Variants in SLC39A11 observed in about 807,000 individuals in gnomAD.
The protein encoded by SLC39A11 is solute carrier family 39 member 11, also known as zinc transporter ZIP11.
A neutral mutation model predicts 36.1 loss-of-function variants in SLC39A11; 33 were observed. That is an observed-to-expected ratio of 0.91 (90% CI 0.69 to 1.22). The LOEUF is 1.22. SLC39A11 is among the 50% of genes most tolerant of loss of function. The pLI is 0.00. For missense variants in SLC39A11, 432 were observed against 430.3 expected, an observed-to-expected ratio of 1.00 and a Z score of -0.03; for synonymous variants, 166 against 170.3, an observed-to-expected ratio of 0.97 and a Z score of 0.20.
chr17:72,658,638 C>T (rs2070260671), intron 7 of SLC39A11, among the ~76,000 whole-genome samples: 1 of 152,168 alleles, frequency 6.6e-6, no homozygotes, highest in East Asian at 1.9e-4. Context: ...AAAGGAGATG[C>T]AGACAAGTAC....
intron 4 of SLC39A11, among the ~76,000 whole-genome samples, chr17:73,010,155 C>T (rs1329650168): frequency 1.3e-5 from 2 of 152,038 alleles, no homozygotes; most frequent in African/African-American, 2.4e-5. Context: ...AATGCAGGTG[C>T]CTGGGCCTCA....
At chr17:72,880,731 G>A (rs2081153337) in intron 5 of SLC39A11, among the ~76,000 whole-genome samples, 1 of 151,404 alleles carries the variant, frequency 6.6e-6, no homozygotes, top group African/African-American at 2.4e-5. Context: ...ACCCAGGCTG[G>A]AGTGCAGTGG....
At chr17:72,739,879 A>T (rs150817295) in intron 6 of SLC39A11, among the ~76,000 whole-genome samples, 2,436 of 151,734 alleles carry the variant, frequency 0.016, no homozygotes, top group Non-Finnish European at 0.025. Context: ...ATAACTTTAA[A>T]CTCCCCCAGA....
At chr17:73,011,823 G>A (rs1013643737) in intron 4 of SLC39A11, among the ~76,000 whole-genome samples, 9 of 150,892 alleles carry the variant, frequency 6.0e-5, no homozygotes, top group Non-Finnish European at 1.3e-4. Flanking sequence ...CACCATGCCC[G>A]GCTAGTTTTT....
At chr17:72,995,610 G>A (rs995225421) in intron 4 of SLC39A11, among the ~76,000 whole-genome samples, 1 of 152,182 alleles carries the variant, frequency 6.6e-6, no homozygotes, top group Non-Finnish European at 1.5e-5. Context: ...CAAAAAGGTG[G>A]AAGAACCATG....
chr17:72,667,472 C>A (rs1484197114), intron 7 of SLC39A11, among the ~76,000 whole-genome samples: 1 of 152,190 alleles, frequency 6.6e-6, no homozygotes. Context: ...CAGTGCTTTG[C>A]CATTGGGAAA....
At chr17:72,790,521 TTC>T (rs111306907) in intron 6 of SLC39A11, among the ~76,000 whole-genome samples, 25 of 151,268 alleles carry the variant, frequency 1.7e-4, no homozygotes, top group African/African-American at 3.6e-4. Context: ...AACAATGAAT[TTC>T]TCTCTCTCTC....
Position 73,031,643 on chromosome 17 carries a change from G to C in SLC39A11, c.219C>G (p.Phe73Leu), listed in dbSNP as rs79360131. ...AVEMATSSGG[F>L]GAFAFFPVAV... ...CCACAGGGAAGAAGGCAAAGGCACC[G>C]AAGCCCCCAGAGGACGTGGCCATCT... Residue 73 changes from phenylalanine to leucine, a missense_variant, in exon 4 of 10, where the codon TTC (phenylalanine) becomes TTG (leucine). Coordinates refer to ENST00000255559, the MANE Select transcript of SLC39A11 (RefSeq NM_139177.4). 2 of 1,614,142 alleles carry C rather than the reference G, an allele frequency of 1.2e-6. No individual in the cohort carries two copies. Among genetic ancestry groups the C allele is most frequent in the Non-Finnish European group, 1.7e-6 (2 of 1,180,030 alleles).
At chr17:73,051,573 T>C (rs1409158810) in intron 3 of SLC39A11, among the ~76,000 whole-genome samples, 1 of 150,326 alleles carries the variant, frequency 6.7e-6, no homozygotes, top group African/African-American at 2.4e-5. Context: ...CGTCAAGAGT[T>C]CAGGCCAGTC....
At chr17:72,794,782 C>A (rs1292379271) in intron 6 of SLC39A11, among the ~76,000 whole-genome samples, 1 of 152,032 alleles carries the variant, frequency 6.6e-6, no homozygotes, top group Non-Finnish European at 1.5e-5. Flanking sequence ...CCTCTCTGCC[C>A]CTCTGAATTA....
At chr17:72,688,435 A>T (rs2071857165) in intron 7 of SLC39A11, among the ~76,000 whole-genome samples, 1 of 152,224 alleles carries the variant, frequency 6.6e-6, no homozygotes, top group Non-Finnish European at 1.5e-5. Flanking sequence ...AGTCCAGGCG[A>T]GGCCAACTGG....
At chr17:73,034,404 T>C (rs533102420) in intron 3 of SLC39A11, among the ~76,000 whole-genome samples, 1 of 152,320 alleles carries the variant, frequency 6.6e-6, no homozygotes, top group Non-Finnish European at 1.5e-5. Context: ...GTATTTTTAG[T>C]AGAGACAGGG....
intron 7 of SLC39A11, among the ~76,000 whole-genome samples, chr17:72,721,098 T>C (rs1425337308): frequency 1.3e-5 from 2 of 151,232 alleles, no homozygotes; most frequent in African/African-American, 2.4e-5. Context: ...TTTTTTTTTT[T>C]TTTTTTTTTA....
At chr17:72,804,422 TAG>T (rs2077188536) in intron 6 of SLC39A11, among the ~76,000 whole-genome samples, 1 of 151,890 alleles carries the variant, frequency 6.6e-6, no homozygotes, top group Non-Finnish European at 1.5e-5. Context: ...CCCACCCAAG[TAG>T]AGAGTATGTG....
intron 5 of SLC39A11, among the ~76,000 whole-genome samples, chr17:72,879,988 C>T (rs1211690699): frequency 6.6e-6 from 1 of 152,186 alleles, no homozygotes; most frequent in Non-Finnish European, 1.5e-5. Context: ...CCTTAAAAAC[C>T]CCATCCTCAA....
intron 6 of SLC39A11, among the ~76,000 whole-genome samples, chr17:72,744,317 C>T (rs1373476047): frequency 1.3e-5 from 2 of 152,120 alleles, no homozygotes; most frequent in Admixed American, 6.5e-5. Flanking sequence ...GCATCCCTGG[C>T]CTCTACTCAC....
rs11388011 is a variant in SLC39A11, at chr17:72,829,349, C to CAA, written c.601+20283_601+20284dup. 6.8e-3 allele frequency among the ~76,000 whole-genome samples: 770 copies of CAA among 113,506 alleles called. 4 individuals are homozygous for CAA. The highest frequency in any genetic ancestry group is 0.015 in the Middle Eastern group (3 of 206). The allele number at this position is 113,506 out of a possible 152,430, so 74.5% of individuals were successfully genotyped here. On this transcript the variant is annotated intron_variant, in intron 6 of 9. Transcript: ENST00000255559. ...TGGGAGACAGAGCGAGCCTCTGTCT[C>CAA]AAAAAAAAAAAAAGGCCCCCTCACA...
chr17:73,008,899 ATAAAT>A (rs1213833368), intron 4 of SLC39A11, among the ~76,000 whole-genome samples: 129 of 151,942 alleles, frequency 8.5e-4, no homozygotes, highest in African/African-American at 3.0e-3. Context: ...ACAAAAAAAA[ATAAAT>A]AAATAAAATA....
In SLC39A11 at chr17:72,654,045, G is replaced by A. The variant is rs534865247; in HGVS notation, c.672-4777C>T. ...GTGTTTAAAATGTGCGTGTGTGTGC[G>A]GAAGGGTGGGGCATGGGGAGTGAGC... On this transcript the variant is annotated intron_variant, in intron 7 of 9. Coordinates refer to ENST00000255559, the MANE Select transcript of SLC39A11 (RefSeq NM_139177.4). Among the ~76,000 whole-genome samples the A allele has an allele frequency of 4.4e-4, 67 of 152,288 alleles. No individual in the cohort carries two copies. The East Asian group carries it at 4.8e-3, about 11-fold the overall frequency.
Sources: allele counts gnomAD v4.1 joint callset (sites outside exome capture counted in the v4.1 genomes callset), GRCh38; gene constraint gnomAD v4.1.1; transcripts MANE v1.5; gene names NCBI Gene and HGNC (gene_info 2026-07-23, HGNC 2026-07-21).